The following HCN1 variants were observed in gnomAD, a reference collection of about 807,000 sequenced individuals.
HCN1 encodes potassium/sodium hyperpolarization-activated cyclic nucleotide-gated channel 1.
A neutral mutation model predicts 78.9 loss-of-function variants in HCN1; 13 were observed. The ratio of observed to expected loss-of-function variants is 0.16; its 90% CI spans 0.11 to 0.26. HCN1 has a LOEUF of 0.26. Among genes scored for constraint, HCN1 ranks in the 10% least tolerant of loss-of-function variants. The pLI, the probability that HCN1 is intolerant of heterozygous loss-of-function variation, is 1.00. For missense variants in HCN1, 810 were observed against 1,154.3 expected, an observed-to-expected ratio of 0.70 and a Z score of 4.32; for synonymous variants, 552 against 455.5, an observed-to-expected ratio of 1.21 and a Z score of -2.70.
intron 6 of HCN1, among the ~76,000 whole-genome samples, chr5:45,292,513 A>T (rs962314328): frequency 1.3e-5 from 2 of 152,010 alleles, no homozygotes; most frequent in Non-Finnish European, 2.9e-5. Context: ...TCCCTAATAA[A>T]GTGAGATTAA....
intron 2 of HCN1, among the ~76,000 whole-genome samples, chr5:45,486,632 T>C (rs1741768923): frequency 6.6e-6 from 1 of 152,056 alleles, no homozygotes; most frequent in Non-Finnish European, 1.5e-5. Context: ...AGTCATGCAA[T>C]AGAATTAATA....
At chr5:45,330,459 T>C (rs1407775831) in intron 5 of HCN1, among the ~76,000 whole-genome samples, 1 of 150,952 alleles carries the variant, frequency 6.6e-6, no homozygotes, top group Non-Finnish European at 1.5e-5. Context: ...TACATATATA[T>C]ATAATGGCAA....
At chr5:45,635,337 T>A (rs974094095) in intron 2 of HCN1, among the ~76,000 whole-genome samples, 2 of 151,876 alleles carry the variant, frequency 1.3e-5, no homozygotes, top group East Asian at 1.9e-4. Context: ...TCAACTCACA[T>A]CTCCACAAAA....
intron 1 of HCN1, among the ~76,000 whole-genome samples, chr5:45,673,424 C>G (rs1746196719): frequency 1.3e-5 from 2 of 151,522 alleles, no homozygotes; most frequent in South Asian, 4.1e-4. Flanking sequence ...AATAGCTACA[C>G]AAATTATTTG....
At position 45,691,888 on chromosome 5, in the gene HCN1, G is replaced by A. The variant is rs929472034; in HGVS notation, c.425+3781C>T. Among the ~76,000 whole-genome samples, 6 of 152,258 alleles carry A rather than the reference G, an allele frequency of 3.9e-5. No homozygotes were observed. The South Asian group carries it at 8.3e-4, about 21-fold the overall frequency. ...AAGAACGGATGTGACGGTATCTTCA[G>A]GAAGTAACTCCCATCTCTAGAGTCC... On this transcript the variant is annotated intron_variant, in intron 1 of 7. Coordinates refer to ENST00000303230, the MANE Select transcript of HCN1 (RefSeq NM_021072.4).
intron 5 of HCN1, among the ~76,000 whole-genome samples, chr5:45,322,140 C>T (rs1339791434): frequency 6.6e-6 from 1 of 151,814 alleles, no homozygotes; most frequent in Non-Finnish European, 1.5e-5. Flanking sequence ...TAAGAGACAA[C>T]TGGAGTCTTG....
chr5:45,492,969 G>T (rs1741922484), intron 2 of HCN1, among the ~76,000 whole-genome samples: 1 of 152,040 alleles, frequency 6.6e-6, no homozygotes, highest in Admixed American at 6.6e-5. Context: ...ATAACTTTTA[G>T]TCCAGGATAA....
chr5:45,401,340 T>G lies in HCN1; in HGVS notation c.1012-4630A>C, dbSNP rs1005934982. Among the ~76,000 whole-genome samples the G allele has an allele frequency of 9.9e-5, 15 of 152,170 alleles. 1 individual carries two copies. Among genetic ancestry groups the G allele is most frequent in the Admixed American group, 9.2e-4 (14 of 15,270 alleles). ...ACCAAATGGGCTTGCTCATCTCTAATGAAATTTTTTTTTCCTTATTAATTT... is the reference window on the plus strand; with the variant it reads ...ACCAAATGGGCTTGCTCATCTCTAAGGAAATTTTTTTTTCCTTATTAATTT... On this transcript the variant is annotated intron_variant, in intron 3 of 7. Transcript: ENST00000303230.
At chr5:45,578,349 G>A (rs1251575257) in intron 2 of HCN1, among the ~76,000 whole-genome samples, 1 of 151,962 alleles carries the variant, frequency 6.6e-6, no homozygotes, top group Non-Finnish European at 1.5e-5. Context: ...ACTGGCATTA[G>A]ATTCAGGCTT....
chr5:45,521,282 C>G (rs1742608674), intron 2 of HCN1, among the ~76,000 whole-genome samples: 1 of 151,976 alleles, frequency 6.6e-6, no homozygotes, highest in East Asian at 1.9e-4. Context: ...TCCCATTGGC[C>G]AAACTTAACA....
chr5:45,503,354 G>A (rs929325581), intron 2 of HCN1, among the ~76,000 whole-genome samples: 1 of 152,106 alleles, frequency 6.6e-6, no homozygotes, highest in African/African-American at 2.4e-5. Context: ...AAAGGCAAAT[G>A]AGTAGGTATC....
intron 5 of HCN1, among the ~76,000 whole-genome samples, chr5:45,313,624 T>C (rs1017322659): frequency 6.6e-6 from 1 of 152,058 alleles, no homozygotes; most frequent in Non-Finnish European, 1.5e-5. Flanking sequence ...CTTGAAGAAA[T>C]ATTAGACGAA....
intron 4 of HCN1, among the ~76,000 whole-genome samples, chr5:45,373,756 TATATACGTCATCTATAATATATTACATAC>T (rs1747499220): frequency 1.6e-5 from 2 of 122,392 alleles, no homozygotes; most frequent in African/African-American, 6.5e-5. Context: ...TTACATACGG[TATATACGTCATCTATAATATATTACATAC>T]GGTATATACG....
intron 1 of HCN1, among the ~76,000 whole-genome samples, chr5:45,687,629 T>C (rs1164235627): frequency 6.6e-6 from 1 of 152,196 alleles, no homozygotes; most frequent in Non-Finnish European, 1.5e-5. Context: ...TCATTTCTCC[T>C]TATGCCATCC....
At chr5:45,355,069 A>G (rs1033614605) in intron 4 of HCN1, among the ~76,000 whole-genome samples, 5 of 151,964 alleles carry the variant, frequency 3.3e-5, no homozygotes, top group Non-Finnish European at 5.9e-5. Context: ...CTTAGGGTTG[A>G]TTGAATCTAA....
intron 2 of HCN1, among the ~76,000 whole-genome samples, chr5:45,470,156 T>A (rs965240247): frequency 5.3e-5 from 8 of 152,034 alleles, no homozygotes; most frequent in Admixed American, 3.9e-4. Context: ...CATCTTGTTA[T>A]TCTGGCCAGG....
At chr5:45,611,263 C>T (rs932306923) in intron 2 of HCN1, among the ~76,000 whole-genome samples, 6 of 132,014 alleles carry the variant, frequency 4.5e-5, no homozygotes, top group Admixed American at 7.7e-5. Context: ...TTTTTTTTAT[C>T]TTTTTCTTTT....
chr5:45,375,199 A>G (rs1221017646), intron 4 of HCN1, among the ~76,000 whole-genome samples: 3 of 113,042 alleles, frequency 2.7e-5, no homozygotes, highest in African/African-American at 1.0e-4. Flanking sequence ...TATATAATAT[A>G]ATATTTTATA....
chr5:45,643,324 T>A (rs968767702), intron 2 of HCN1: 1 of 152,100 alleles, frequency 6.6e-6, no homozygotes, highest in African/African-American at 2.4e-5. Context: ...TTAAAAATAG[T>A]CACATTGCTA....
Sources: gnomAD v4.1 joint callset for allele counts (sites outside exome capture counted in the v4.1 genomes callset) on GRCh38, gnomAD v4.1.1 for gene constraint, MANE v1.5 for transcripts, NCBI Gene and HGNC (gene_info 2026-07-23, HGNC 2026-07-21) for gene names.